The following KHDRBS2 variants were observed in gnomAD, a reference collection of about 807,000 sequenced individuals.
The protein encoded by KHDRBS2 is KH domain-containing, RNA-binding, signal transduction-associated protein 2.
In KHDRBS2, 26 loss-of-function variants were observed where a neutral mutation model predicts 44.3. That is an observed-to-expected ratio of 0.59 (90% CI 0.43 to 0.81). The LOEUF is 0.81. KHDRBS2 is among the 40% of genes least tolerant of loss of function. KHDRBS2 has a pLI of 0.00. For synonymous variants in KHDRBS2, 194 were observed against 151.1 expected (o/e 1.28, Z -2.08); for missense variants, 476 against 433.1 (o/e 1.10, Z -0.88).
At chr6:61,926,771 T>C (rs936984907) in intron 4 of KHDRBS2, among the ~76,000 whole-genome samples, 4 of 152,082 alleles carry the variant, frequency 2.6e-5, no homozygotes, top group Non-Finnish European at 4.4e-5. Flanking sequence ...TTTGGTGTCA[T>C]TCACAAGTTG....
chr6:61,657,161 C>T, the KHDRBS2 span, among the ~76,000 whole-genome samples: 2 of 151,930 alleles, frequency 1.3e-5, no homozygotes, highest in African/African-American at 4.8e-5. Flanking sequence ...TTCCTGATAC[C>T]AAAGTAAGTG....
chr6:61,572,605 C>T, the KHDRBS2 span, among the ~76,000 whole-genome samples: 1 of 152,046 alleles, frequency 6.6e-6, no homozygotes, highest in South Asian at 2.1e-4. Flanking sequence ...AAAAGCATAT[C>T]AAAAAGATAA....
chr6:62,064,235 C>G (rs911112953), intron 2 of KHDRBS2, among the ~76,000 whole-genome samples: 1 of 144,132 alleles, frequency 6.9e-6, no homozygotes, highest in Non-Finnish European at 1.5e-5. Context: ...AATGCCATCC[C>G]CATCAAGCTA....
At chr6:61,888,201 C>T (rs1801256388) in intron 6 of KHDRBS2, among the ~76,000 whole-genome samples, 1 of 152,204 alleles carries the variant, frequency 6.6e-6, no homozygotes, top group African/African-American at 2.4e-5. Context: ...GTGCAAACTT[C>T]TCCCCTCCTC....
the KHDRBS2 span, among the ~76,000 whole-genome samples, chr6:61,671,174 T>G: frequency 6.6e-6 from 1 of 151,612 alleles, no homozygotes; most frequent in African/African-American, 2.4e-5. Flanking sequence ...GTAGAACGTT[T>G]TTCTACTGAT....
At chr6:62,062,640 GA>G (rs1792279765) in intron 2 of KHDRBS2, among the ~76,000 whole-genome samples, 1 of 148,722 alleles carries the variant, frequency 6.7e-6, no homozygotes, top group Non-Finnish European at 1.5e-5. Context: ...TGTGTAGAGG[GA>G]AATTTACAGC....
At chr6:62,082,421 T>C (rs1361105648) in intron 2 of KHDRBS2, among the ~76,000 whole-genome samples, 7 of 152,048 alleles carry the variant, frequency 4.6e-5, no homozygotes, top group South Asian at 2.1e-4. Flanking sequence ...TCTTTTTGTC[T>C]TGATTTGAGT....
the KHDRBS2 span, among the ~76,000 whole-genome samples, chr6:61,597,925 T>C: frequency 3.4e-5 from 5 of 146,034 alleles, no homozygotes; most frequent in South Asian, 2.2e-4. Context: ...TTTTTTTTTT[T>C]AATGGCCTAA....
intron 6 of KHDRBS2, among the ~76,000 whole-genome samples, chr6:61,773,373 G>T (rs1436491684): frequency 6.6e-6 from 1 of 151,654 alleles, no homozygotes; most frequent in Non-Finnish European, 1.5e-5. Context: ...GTTTTGATTT[G>T]CATTTCTCTG....
chr6:62,162,964 C>G (rs1817955686), intron 2 of KHDRBS2, among the ~76,000 whole-genome samples: 1 of 151,884 alleles, frequency 6.6e-6, no homozygotes, highest in Non-Finnish European at 1.5e-5. Context: ...ATCTAGATAT[C>G]CATATGTTGA....
intron 2 of KHDRBS2, among the ~76,000 whole-genome samples, chr6:62,061,058 T>A (rs1213253009): frequency 2.0e-5 from 3 of 151,968 alleles, no homozygotes; most frequent in Non-Finnish European, 4.4e-5. Context: ...ATTTTGAGCC[T>A]ATGTGTGTCT....
chr6:61,562,652 A>C, the KHDRBS2 span, among the ~76,000 whole-genome samples: 1 of 152,092 alleles, frequency 6.6e-6, no homozygotes, highest in Non-Finnish European at 1.5e-5. Context: ...TTGAAATGCA[A>C]ACATCAAGGA....
At chr6:61,578,185 A>C in the KHDRBS2 span, among the ~76,000 whole-genome samples, 2 of 152,138 alleles carry the variant, frequency 1.3e-5, no homozygotes, top group South Asian at 4.1e-4. Context: ...TGGGGAGATC[A>C]GGTCACTTTA....
chr6:61,688,273 G>A (rs1767031933), intron 8 of KHDRBS2, among the ~76,000 whole-genome samples: 1 of 151,680 alleles, frequency 6.6e-6, no homozygotes. Context: ...TTTTCAAAAT[G>A]GAACATACAG....
chr6:62,234,555 T>C (rs1301285186), intron 1 of KHDRBS2, among the ~76,000 whole-genome samples: 1 of 152,036 alleles, frequency 6.6e-6, no homozygotes, highest in Non-Finnish European at 1.5e-5. Context: ...AAAATACGGT[T>C]TTAAAAATAT....
At chr6:61,763,213 G>A (rs906463711) in intron 6 of KHDRBS2, among the ~76,000 whole-genome samples, 5 of 152,184 alleles carry the variant, frequency 3.3e-5, no homozygotes, top group African/African-American at 1.2e-4. Context: ...GACTCCGACA[G>A]TAAGGGTGTT....
the KHDRBS2 span, among the ~76,000 whole-genome samples, chr6:61,623,138 G>A: frequency 6.6e-6 from 1 of 152,092 alleles, no homozygotes; most frequent in South Asian, 2.1e-4. Flanking sequence ...AAACATGAAA[G>A]AACATGAGTC....
At chr6:62,050,488 A>C (rs1420843763) in intron 2 of KHDRBS2, among the ~76,000 whole-genome samples, 6 of 151,978 alleles carry the variant, frequency 3.9e-5, no homozygotes, top group Admixed American at 1.3e-4. Context: ...TCATTAAAAA[A>C]TTGAATAGAT....
At chr6:61,631,539 A>G in the KHDRBS2 span, among the ~76,000 whole-genome samples, 1 of 152,148 alleles carries the variant, frequency 6.6e-6, no homozygotes, top group South Asian at 2.1e-4. Flanking sequence ...ACAAGTAATT[A>G]TAGCAGTGGT....
Sources: gnomAD v4.1 joint callset for allele counts (sites outside exome capture counted in the v4.1 genomes callset) on GRCh38, gnomAD v4.1.1 for gene constraint, MANE v1.5 for transcripts, NCBI Gene and HGNC (gene_info 2026-07-23, HGNC 2026-07-21) for gene names.